The following CHCHD3 variants were observed in gnomAD, a reference collection of about 807,000 sequenced individuals.
CHCHD3 encodes MICOS complex subunit MIC19.
In CHCHD3, 20 loss-of-function variants were observed where a neutral mutation model predicts 38.2. The ratio of observed to expected loss-of-function variants is 0.52; its 90% CI spans 0.37 to 0.76. The LOEUF is 0.76. Among genes scored for constraint, CHCHD3 ranks in the 30% least tolerant of loss-of-function variants. CHCHD3 has a pLI of 0.00. For synonymous variants in CHCHD3, 82 were observed against 100.0 expected (o/e 0.82, Z 1.07); for missense variants, 245 against 279.2 (o/e 0.88, Z 0.87).
In CHCHD3 at chr7:133,050,923, C is replaced by A. The variant is rs534367208; in HGVS notation, c.169+19219G>T. The stretch of plus-strand genomic sequence containing the variant: ...CCCAGCTACTCAGGAGGCTGAGGCA[C>A]CAGAATCACTTGAACCCAGGAGGCA... On this transcript the variant is annotated intron_variant, in intron 2 of 7. Coordinates refer to ENST00000262570, the MANE Select transcript of CHCHD3 (RefSeq NM_017812.4). Among the ~76,000 whole-genome samples, 6 of 152,058 alleles carry A rather than the reference C, an allele frequency of 3.9e-5. No individual in the cohort carries two copies. The East Asian group carries it at 7.8e-4, about 20-fold the overall frequency.
At chr7:132,996,343 G>C (rs943891514) in intron 3 of CHCHD3, among the ~76,000 whole-genome samples, 1 of 152,176 alleles carries the variant, frequency 6.6e-6, no homozygotes, top group Non-Finnish European at 1.5e-5. Context: ...CTGGCTACCA[G>C]GTGACCCAGA....
rs558619109 is a variant in CHCHD3 at position 132,957,208 on chromosome 7, GAAGAA to G, written c.369+17956_369+17960del. Among the ~76,000 whole-genome samples, 51 of 152,316 alleles carry G rather than the reference GAAGAA, an allele frequency of 3.3e-4. 1 individual carries two copies. The South Asian group carries it at 0.011, about 32-fold the overall frequency. On this transcript the variant is annotated intron_variant, in intron 4 of 7. Coordinates refer to ENST00000262570, the MANE Select transcript of CHCHD3 (RefSeq NM_017812.4). ...AAAACCCCTGGGCCTCTTTCTTCATGAAGAAAAGGTAGAGATTAGATAGGGTGATT... is the reference window on the plus strand; with the variant it reads ...AAAACCCCTGGGCCTCTTTCTTCATGAAGGTAGAGATTAGATAGGGTGATT...
At chr7:132,815,434 C>T (rs1004952268) in intron 6 of CHCHD3, 10 of 367,420 alleles carry the variant, frequency 2.7e-5, no homozygotes, top group South Asian at 6.2e-5. Flanking sequence ...GGAATGACTG[C>T]ACATAAAGGA....
chr7:132,856,023 G>A (rs1419323992), intron 5 of CHCHD3, among the ~76,000 whole-genome samples: 1 of 152,158 alleles, frequency 6.6e-6, no homozygotes, highest in African/African-American at 2.4e-5. Flanking sequence ...TCTTTGCCAC[G>A]TGGCTTTTCT....
chr7:132,811,570 C>A (rs575972103), intron 6 of CHCHD3, among the ~76,000 whole-genome samples: 43 of 152,328 alleles, frequency 2.8e-4, no homozygotes, highest in South Asian at 1.7e-3. Flanking sequence ...TCTATCCATG[C>A]CAAAGTGGCT....
In CHCHD3 at chr7:132,805,458, G is replaced by A. The variant is rs114791874; in HGVS notation, c.525-8881C>T. Among the ~76,000 whole-genome samples the A allele has an allele frequency of 3.6e-3, 552 of 152,186 alleles. 3 individuals carry two copies. The highest frequency in any genetic ancestry group is 0.012 in the African/African-American group (507 of 41,520). Reference sequence around the variant, plus strand: ...GGTGAGCTGAGGTCCAGGCTCAATCGAGTCTGGCATATTCAAGGGACTCAG... The same window carrying A: ...GGTGAGCTGAGGTCCAGGCTCAATCAAGTCTGGCATATTCAAGGGACTCAG... On this transcript the variant is annotated intron_variant, in intron 6 of 7. Transcript: ENST00000262570.
At chr7:132,982,918 T>A (rs1023478883) in intron 3 of CHCHD3, among the ~76,000 whole-genome samples, 5 of 152,178 alleles carry the variant, frequency 3.3e-5, no homozygotes, top group Non-Finnish European at 4.4e-5. Context: ...ATGAATCACA[T>A]ATCTATAAAT....
At chr7:132,887,706 A>AC (rs754836048) in intron 4 of CHCHD3, among the ~76,000 whole-genome samples, 16 of 151,728 alleles carry the variant, frequency 1.1e-4, no homozygotes, top group Non-Finnish European at 2.1e-4. Flanking sequence ...GAAAAACCCA[A>AC]CCCCACATCA....
chr7:132,867,469 T>C (rs1272966187), intron 5 of CHCHD3, among the ~76,000 whole-genome samples: 1 of 152,230 alleles, frequency 6.6e-6, no homozygotes, highest in Non-Finnish European at 1.5e-5. Flanking sequence ...TAGTTATTCT[T>C]GAATTCAGCA....
At chr7:132,918,067 A>T (rs1398305845) in intron 4 of CHCHD3, among the ~76,000 whole-genome samples, 1 of 152,178 alleles carries the variant, frequency 6.6e-6, no homozygotes, top group Non-Finnish European at 1.5e-5. Context: ...TCTCTGCACT[A>T]AACTAAAGCT....
intron 4 of CHCHD3, among the ~76,000 whole-genome samples, chr7:132,916,139 C>A (rs996176281): frequency 2.0e-5 from 3 of 152,068 alleles, no homozygotes; most frequent in East Asian, 3.9e-4. Flanking sequence ...GTTAAACAAC[C>A]CTTCTCATCT....
intron 4 of CHCHD3, among the ~76,000 whole-genome samples, chr7:132,939,268 C>G (rs1186651137): frequency 6.6e-6 from 1 of 152,114 alleles, no homozygotes; most frequent in Non-Finnish European, 1.5e-5. Flanking sequence ...TAATAGTATA[C>G]AACAATGTCC....
chr7:133,075,085 A>G (rs945717396), intron 1 of CHCHD3, among the ~76,000 whole-genome samples: 43 of 152,162 alleles, frequency 2.8e-4, no homozygotes, highest in African/African-American at 9.9e-4. Context: ...ATTTTTCTCT[A>G]TCTATGCTCT....
At chr7:133,029,912 A>C (rs1479894404) in intron 2 of CHCHD3, among the ~76,000 whole-genome samples, 2 of 152,130 alleles carry the variant, frequency 1.3e-5, no homozygotes, top group Non-Finnish European at 2.9e-5. Flanking sequence ...GGCCACTGAA[A>C]AAGACATGTC....
intron 6 of CHCHD3, among the ~76,000 whole-genome samples, chr7:132,820,611 G>GTTTTTT (rs748470167): frequency 8.3e-5 from 8 of 96,186 alleles, no homozygotes; most frequent in East Asian, 3.5e-4. Context: ...ATGTGCTAGT[G>GTTTTTT]TTTTTTTTTT....
At chr7:133,021,344 A>G (rs568138609) in intron 3 of CHCHD3, among the ~76,000 whole-genome samples, 1 of 152,324 alleles carries the variant, frequency 6.6e-6, no homozygotes, top group South Asian at 2.1e-4. Context: ...AAAGAAATTC[A>G]GCCACCCGGC....
intron 4 of CHCHD3, among the ~76,000 whole-genome samples, chr7:132,935,004 A>G (rs1229567312): frequency 6.6e-6 from 1 of 152,236 alleles, no homozygotes; most frequent in Non-Finnish European, 1.5e-5. Flanking sequence ...AGCTTTATAA[A>G]AAAAGGGAGG....
At chr7:132,978,088 A>G (rs1176321227) in intron 3 of CHCHD3, among the ~76,000 whole-genome samples, 1 of 152,166 alleles carries the variant, frequency 6.6e-6, no homozygotes, top group East Asian at 1.9e-4. Flanking sequence ...TGTAATACCT[A>G]CCTTACAGCG....
At chr7:132,982,812 G>A (rs1049184704) in intron 3 of CHCHD3, among the ~76,000 whole-genome samples, 4 of 151,892 alleles carry the variant, frequency 2.6e-5, no homozygotes, top group East Asian at 1.9e-4. Flanking sequence ...AATAACACAC[G>A]TTTGGACTGT....
Sources: allele counts gnomAD v4.1 joint callset (sites outside exome capture counted in the v4.1 genomes callset), GRCh38; gene constraint gnomAD v4.1.1; transcripts MANE v1.5; gene names NCBI Gene and HGNC (gene_info 2026-07-23, HGNC 2026-07-21).